Variants in CPNE5 observed in about 807,000 individuals in gnomAD.
CPNE5 encodes copine 5.
A neutral mutation model predicts 81.1 loss-of-function variants in CPNE5; 42 were observed. That is an observed-to-expected ratio of 0.52 (90% CI 0.40 to 0.67). CPNE5 has a LOEUF of 0.67. Among genes scored for constraint, CPNE5 ranks in the 30% least tolerant of loss-of-function variants. The probability of loss-of-function intolerance (pLI) is 0.00; values close to 1 mark genes in which losing one functional copy is unlikely to be tolerated. For synonymous variants in CPNE5, 313 were observed against 321.5 expected (o/e 0.97, Z 0.28); for missense variants, 612 against 815.5 (o/e 0.75, Z 3.04).
intron 10 of CPNE5, among the ~76,000 whole-genome samples, chr6:36,773,865 A>G (rs1767260296): frequency 6.6e-6 from 1 of 152,140 alleles, no homozygotes; most frequent in South Asian, 2.1e-4. Flanking sequence ...AAAACAAAAA[A>G]TCTAGCCTGG....
chr6:36,764,553 G>A (rs969722740), intron 11 of CPNE5, among the ~76,000 whole-genome samples: 4 of 152,166 alleles, frequency 2.6e-5, no homozygotes, highest in Non-Finnish European at 5.9e-5. Flanking sequence ...TGTCACAAAA[G>A]TCAGGGTGAC....
chr6:36,756,437 A>G, intron 12 of CPNE5, 139 bp from the exon 13 acceptor site: 1 of 674,648 alleles, frequency 1.5e-6, no homozygotes, highest in South Asian at 1.7e-5. Flanking sequence ...GGGCCAGGGG[A>G]GAAGGGTTTA....
intron 12 of CPNE5, among the ~76,000 whole-genome samples, chr6:36,759,452 T>G (rs1340171116): frequency 3.3e-5 from 5 of 150,166 alleles, no homozygotes; most frequent in African/African-American, 1.2e-4. Flanking sequence ...CTGCGCACAT[T>G]AGGTGGGGTG....
chr6:36,806,123 C>T (rs528409061), intron 3 of CPNE5, among the ~76,000 whole-genome samples: 9 of 152,264 alleles, frequency 5.9e-5, no homozygotes, highest in East Asian at 5.8e-4. Flanking sequence ...TGTCAAGACA[C>T]GGGTGCCCAG....
At chr6:36,775,254 C>A (rs904626031) in intron 9 of CPNE5, among the ~76,000 whole-genome samples, 189 bp from the exon 10 acceptor site, 2 of 152,190 alleles carry the variant, frequency 1.3e-5, no homozygotes, top group Non-Finnish European at 2.9e-5. Context: ...TGCTGGAGAT[C>A]CTGCAGAAAG....
intron 7 of CPNE5, chr6:36,792,477 C>A: frequency 9.5e-7 from 1 of 1,052,026 alleles, no homozygotes; most frequent in Non-Finnish European, 1.3e-6. Context: ...GGGCTAGCCA[C>A]CCCACCTCAC....
intron 1 of CPNE5, chr6:36,827,443 G>T: frequency 5.1e-6 from 5 of 985,412 alleles, no homozygotes; most frequent in Non-Finnish European, 6.0e-6. Context: ...AAGTCTGGCT[G>T]TGTAGGTCTG....
At chr6:36,834,062 C>T (rs994041682) in intron 1 of CPNE5, among the ~76,000 whole-genome samples, 1 of 150,522 alleles carries the variant, frequency 6.6e-6, no homozygotes, top group African/African-American at 2.5e-5. Flanking sequence ...GACCTCACCT[C>T]TACAAAACAA....
rs140426395 is a variant in CPNE5 at position 36,780,155 on chromosome 6, G to A, written c.529-1198C>T. Reference sequence around the variant, plus strand: ...ATTTATTGTATTTTTAGTAGAGATGGGGTTTCACTGTGTTAGCCAAGATGG... The same window carrying A: ...ATTTATTGTATTTTTAGTAGAGATGAGGTTTCACTGTGTTAGCCAAGATGG... On this transcript the variant is annotated intron_variant, in intron 8 of 20. Transcript: ENST00000244751. Among the ~76,000 whole-genome samples, 738 of 152,150 alleles carry A rather than the reference G, an allele frequency of 4.9e-3. 9 individuals carry two copies. Among genetic ancestry groups the A allele is most frequent in the Admixed American group, 8.2e-3 (126 of 15,290 alleles).
intron 2 of CPNE5, 124 bp from the exon 3 acceptor site, chr6:36,822,284 C>A: frequency 1.5e-6 from 1 of 683,386 alleles, no homozygotes; most frequent in Admixed American, 3.2e-5. Context: ...ACTGTTGGAT[C>A]TGGGTAGGGG....
At chr6:36,743,107 C>A (rs1045970651) in intron 20 of CPNE5, 16 of 985,266 alleles carry the variant, frequency 1.6e-5, no homozygotes, top group Non-Finnish European at 1.9e-5. Context: ...AATTTTTAAA[C>A]CAAGGGGGTA....
intron 9 of CPNE5, among the ~76,000 whole-genome samples, chr6:36,776,079 G>A (rs908574766): frequency 5.3e-5 from 8 of 152,148 alleles, no homozygotes; most frequent in Admixed American, 6.5e-5. Flanking sequence ...AGATGGGCCC[G>A]AATCTGGTGT....
intron 9 of CPNE5, 71 bp downstream of exon 9, chr6:36,778,783 C>A: frequency 9.5e-7 from 1 of 1,057,266 alleles, no homozygotes. Flanking sequence ...GGCAAGTCAC[C>A]ACCACCCGTC....
At chr6:36,799,873 T>C in intron 4 of CPNE5, 94 bp downstream of exon 4, 1 of 913,610 alleles carries the variant, frequency 1.1e-6, no homozygotes, top group South Asian at 1.5e-5. Flanking sequence ...CCCACTAATT[T>C]CTCAGCTCCT....
chr6:36,833,841 G>T (rs1379262994), intron 1 of CPNE5, among the ~76,000 whole-genome samples: 2 of 152,108 alleles, frequency 1.3e-5, no homozygotes, highest in Non-Finnish European at 2.9e-5. Context: ...AATGAGAAAT[G>T]GCTGTAGTTC....
At chr6:36,762,271 TAC>T (rs1294685726) in intron 12 of CPNE5, among the ~76,000 whole-genome samples, 1 of 140,936 alleles carries the variant, frequency 7.1e-6, no homozygotes, top group Non-Finnish European at 1.5e-5. Flanking sequence ...TGCACACGCA[TAC>T]ACACACACGC....
chr6:36,780,242 C>T lies in CPNE5; in HGVS notation c.529-1285G>A, dbSNP rs553961037. On this transcript the variant is annotated intron_variant, in intron 8 of 20. Coordinates refer to ENST00000244751, the MANE Select transcript of CPNE5 (RefSeq NM_020939.2). ...CCTCCCAAAGTGCTGGGATTACAGG[C>T]GTGAGCCACTGCACCTGGCCCCCCC... Among the ~76,000 whole-genome samples, 20 of 152,308 alleles carry T rather than the reference C, an allele frequency of 1.3e-4. 1 individual carries two copies. The East Asian group carries it at 2.5e-3, about 19-fold the overall frequency.
chr6:36,828,498 C>T (rs937557700), intron 1 of CPNE5, among the ~76,000 whole-genome samples: 1 of 152,056 alleles, frequency 6.6e-6, no homozygotes, highest in African/African-American at 2.4e-5. Context: ...CATCACGCAT[C>T]CCTGGTTGTC....
At chr6:36,839,485 G>T (rs1773840623), upstream of CPNE5, 2 of 924,008 alleles carry the variant, frequency 2.2e-6, no homozygotes, top group Admixed American at 5.7e-5. The surrounding 1 kb of genome is among the most constrained non-coding windows in gnomAD (Gnocchi z 7.3). Context: ...CCTGGGCTGG[G>T]CGGCAAGGGG....
Sources: allele counts gnomAD v4.1 joint callset (sites outside exome capture counted in the v4.1 genomes callset), GRCh38; gene constraint gnomAD v4.1.1; non-coding constraint Gnocchi (gnomAD v3.1); transcripts MANE v1.5; gene names NCBI Gene and HGNC (gene_info 2026-07-23, HGNC 2026-07-21).